The following TRIM67 variants were observed in gnomAD, a reference collection of about 807,000 sequenced individuals.
TRIM67 encodes tripartite motif-containing protein 67.
A neutral mutation model predicts 71.0 loss-of-function variants in TRIM67; 39 were observed. That is an observed-to-expected ratio of 0.55 (90% CI 0.43 to 0.72). The LOEUF is 0.72. Among genes scored for constraint, TRIM67 ranks in the 30% least tolerant of loss-of-function variants. TRIM67 has a pLI of 0.00. For synonymous variants in TRIM67, 481 were observed against 473.9 expected (o/e 1.01, Z -0.19); for missense variants, 973 against 1,079.2 (o/e 0.90, Z 1.38).
intron 1 of TRIM67, among the ~76,000 whole-genome samples, chr1:231,165,007 GA>G (rs898348949): frequency 6.6e-6 from 1 of 152,158 alleles, no homozygotes; most frequent in East Asian, 1.9e-4. Flanking sequence ...TAATACATAT[GA>G]AAAAAAGATA....
At position 231,189,725 on chromosome 1, in the gene TRIM67, C is replaced by A. The variant is rs542927408; in HGVS notation, c.1045-7646C>A. Among the ~76,000 whole-genome samples, 8 of 152,190 alleles carry A rather than the reference C, an allele frequency of 5.3e-5. No homozygotes were observed. The South Asian group carries it at 1.7e-3, about 32-fold the overall frequency. ...GGGCCTGTTTTATAAGGGTTCTAAT[C>A]CCCTTCATGAGGGCTCCACCCTCAT... On this transcript the variant is annotated intron_variant, in intron 1 of 9. Coordinates refer to ENST00000366653, the MANE Select transcript of TRIM67 (RefSeq NM_001004342.5).
Position 231,220,127 on chromosome 1 carries a change from A to G in TRIM67, c.*4687A>G, listed in dbSNP as rs1428430538. 1 of 441,096 alleles carries G rather than the reference A, an allele frequency of 2.3e-6. No homozygotes were observed. The highest frequency in any genetic ancestry group is 7.1e-5 in the East Asian group (1 of 14,012). The allele number at this position is 441,096 out of a possible 1,614,324, so 27.3% of individuals were successfully genotyped here. On this transcript the variant is annotated 3_prime_UTR_variant, in exon 10 of 10. Transcript: ENST00000366653. ...AAAAGTGCAGTCTTTCATCTCTGGCATCTAAGCTAATGATTCCCATTCAGT... is the reference window on the plus strand; with the variant it reads ...AAAAGTGCAGTCTTTCATCTCTGGCGTCTAAGCTAATGATTCCCATTCAGT...
At position 231,213,854 on chromosome 1, in the gene TRIM67, G is replaced by C. The variant is rs1011753413; in HGVS notation, c.2163G>C (p.Val721=). Residue 721 remains valine (V), a synonymous_variant, in exon 9 of 10, where the codon GTG becomes GTC. Coordinates refer to ENST00000366653, the MANE Select transcript of TRIM67 (RefSeq NM_001004342.5). ...TGTGCAAGGGGGCCACCGTGGGCGT[G>C]CTGCTGGACCTGAATAAGCACACTC... The part of the protein sequence containing the change: ...GGVCKGATVG[V]LLDLNKHTLT... 3.1e-6 allele frequency: 5 copies of C among 1,612,164 alleles called. No homozygotes were observed. Among genetic ancestry groups the C allele is most frequent in the Non-Finnish European group, 1.7e-6 (2 of 1,178,860 alleles).
chr1:231,210,357 T>A (rs1683833098), intron 8 of TRIM67, among the ~76,000 whole-genome samples: 2 of 152,016 alleles, frequency 1.3e-5, no homozygotes, highest in Non-Finnish European at 2.9e-5. Context: ...ACCAGCTTCT[T>A]CTTTCTCAGG....
Position 231,219,742 on chromosome 1 carries a change from A to G in TRIM67, c.*4302A>G. The G allele has an allele frequency of 2.5e-6, 3 of 1,197,758 alleles. No homozygotes were observed. Among genetic ancestry groups the G allele is most frequent in the Non-Finnish European group, 3.2e-6 (3 of 947,232 alleles). The allele number at this position is 1,197,758 out of a possible 1,614,324, so 74.2% of individuals were successfully genotyped here. A position where few individuals can be genotyped will look rare whatever the true frequency, so the allele number is the denominator to read the frequency against. On this transcript the variant is annotated 3_prime_UTR_variant, in exon 10 of 10. Transcript: ENST00000366653. ...CAGATCTTATTGGCAAATATTCAAG[A>G]TGGTGATGCTGGAAAATTTCAGGAC...
intron 8 of TRIM67, among the ~76,000 whole-genome samples, chr1:231,211,657 T>C (rs1683875313): frequency 6.6e-6 from 1 of 152,226 alleles, no homozygotes; most frequent in South Asian, 2.1e-4. Flanking sequence ...CTTCCTGTCG[T>C]GAATCCTCGC....
At chr1:231,185,992 G>T in intron 1 of TRIM67, 2 of 1,110,814 alleles carry the variant, frequency 1.8e-6, no homozygotes, top group Non-Finnish European at 2.6e-6. Context: ...ACGAGAAGGA[G>T]GTGGGTCTTC....
chr1:231,189,016 C>T (rs562681848), intron 1 of TRIM67, among the ~76,000 whole-genome samples: 1 of 152,262 alleles, frequency 6.6e-6, no homozygotes, highest in South Asian at 2.1e-4. Context: ...TGGATCTTGT[C>T]CTGAGAACTG....
At chr1:231,193,082 C>T (rs1683275399) in intron 1 of TRIM67, among the ~76,000 whole-genome samples, 1 of 152,202 alleles carries the variant, frequency 6.6e-6, no homozygotes, top group African/African-American at 2.4e-5. Context: ...GTGCGTGACC[C>T]TAACTACCCT....
At chr1:231,208,773 TGTGTGTACGTTTGTGTGTGTGTGCAC>T (rs1683781186) in intron 7 of TRIM67, among the ~76,000 whole-genome samples, 148 bp from the exon 8 acceptor site, 1 of 152,088 alleles carries the variant, frequency 6.6e-6, no homozygotes, top group East Asian at 1.9e-4. Context: ...AGTGTGTGCA[TGTGTGTACGTTTGTGTGTGTGTGCAC>T]GTGTGTGGTA....
At chr1:231,191,162 CA>C (rs1486366562) in intron 1 of TRIM67, among the ~76,000 whole-genome samples, 1 of 152,218 alleles carries the variant, frequency 6.6e-6, no homozygotes, top group Non-Finnish European at 1.5e-5. Context: ...CTTCTGAGCT[CA>C]AGCAATCCTT....
chr1:231,185,148 T>C, intron 1 of TRIM67: 1 of 1,532,886 alleles, frequency 6.5e-7, no homozygotes, highest in Non-Finnish European at 8.7e-7. Flanking sequence ...AAGTGTGTGT[T>C]GTCCAGCCAG....
intron 1 of TRIM67, chr1:231,186,097 G>A: frequency 6.5e-7 from 1 of 1,533,186 alleles, no homozygotes; most frequent in Non-Finnish European, 8.7e-7. Flanking sequence ...TAGGCGGCTG[G>A]CAGTCGCTTG....
chr1:231,203,692 A>G (rs370209793), intron 5 of TRIM67, among the ~76,000 whole-genome samples, 175 bp from the exon 6 acceptor site: 154 of 152,218 alleles, frequency 1.0e-3, no homozygotes, highest in African/African-American at 3.5e-3. Context: ...CTTCATCCCC[A>G]GCCCACCTGG....
At position 231,215,408 on chromosome 1, in the gene TRIM67, A is replaced by G. The variant is rs1280816599; in HGVS notation, c.2320A>G (p.Asn774Asp). Residue 774 changes from asparagine to aspartate, a missense_variant, in exon 10 of 10, where the codon AAC becomes GAC. Asn to Asp is a conservative substitution (Grantham distance 23). Transcript: ENST00000366653. ...GCACACAGGATTGGAAGTGCCGACT[A>G]ACCTGGGGCGGCCAAAGCTGTCAGG... is the stretch of plus-strand genomic sequence containing the variant. ...TLHTGLEVPTNLGRPKLSGN is the reference protein window; with the variant it reads ...TLHTGLEVPTDLGRPKLSGN 2 of 1,612,478 alleles carry G rather than the reference A, an allele frequency of 1.2e-6. No individual in the cohort carries two copies. The highest frequency in any genetic ancestry group is 2.2e-5 in the East Asian group (1 of 44,798).
chr1:231,206,977 C>CT lies in TRIM67; in HGVS notation c.1819+188dup, dbSNP rs553575589. On this transcript the variant is annotated intron_variant, in intron 7 of 9. Transcript: ENST00000366653. ...GCTCCCAAAGGACAAAGATTGACTCCTAGGGCCAACCCACATTTCATCCCG... is the reference window on the plus strand; with the variant it reads ...GCTCCCAAAGGACAAAGATTGACTCCTTAGGGCCAACCCACATTTCATCCCG... Among the ~76,000 whole-genome samples, 469 of 152,232 alleles carry CT rather than the reference C, an allele frequency of 3.1e-3. 1 individual carries two copies. The highest frequency in any genetic ancestry group is 4.9e-3 in the Non-Finnish European group (331 of 68,006).
At chr1:231,205,128 A>G (rs931603190) in intron 6 of TRIM67, among the ~76,000 whole-genome samples, 2 of 152,244 alleles carry the variant, frequency 1.3e-5, no homozygotes, top group African/African-American at 2.4e-5. Flanking sequence ...AAATATTAAA[A>G]GAAGCAGCCA....
intron 1 of TRIM67, among the ~76,000 whole-genome samples, chr1:231,192,878 C>T (rs1400570326): frequency 6.6e-6 from 1 of 152,234 alleles, no homozygotes; most frequent in Non-Finnish European, 1.5e-5. Flanking sequence ...GTGAGACTGT[C>T]CCCCTTTCAG....
intron 1 of TRIM67, chr1:231,186,139 G>T (rs1683068483): frequency 6.5e-7 from 1 of 1,532,192 alleles, no homozygotes; most frequent in Non-Finnish European, 8.7e-7. Context: ...TGGATGAAGG[G>T]CTTGACAGCC....
Sources: allele counts gnomAD v4.1 joint callset (sites outside exome capture counted in the v4.1 genomes callset), GRCh38; gene constraint gnomAD v4.1.1; transcripts MANE v1.5; gene names NCBI Gene and HGNC (gene_info 2026-07-23, HGNC 2026-07-21).